The following OGG1 variants were observed in gnomAD, a reference collection of about 807,000 sequenced individuals.
OGG1 encodes the protein 8-oxoguanine DNA glycosylase.
OGG1 carries 35 observed loss-of-function variants against 42.3 expected under a neutral mutation model. The ratio of observed to expected loss-of-function variants is 0.83; its 90% confidence interval spans 0.63 to 1.10. The LOEUF (loss-of-function observed/expected upper bound fraction) is 1.10, where lower values mean the gene tolerates loss of function less well. Ranked by LOEUF, OGG1 falls within the 50% of genes least tolerant of loss-of-function variation. The pLI is 0.00. For missense variants in OGG1, 484 were observed against 446.7 expected, an observed-to-expected ratio of 1.08 and a Z score of -0.75; for synonymous variants, 189 against 179.0, an observed-to-expected ratio of 1.06 and a Z score of -0.44.
intron 7 of OGG1, among the ~76,000 whole-genome samples, chr3:9,763,455 C>G (rs571374494): frequency 1.1e-4 from 17 of 151,856 alleles, no homozygotes; most frequent in Non-Finnish European, 1.9e-4. Context: ...GCTCAGCCAC[C>G]CCCAACCCCC....
chr3:9,760,253 GAA>G (rs58204599), downstream of OGG1: 28 of 140,756 alleles, frequency 2.0e-4, no homozygotes, highest in South Asian at 1.7e-3. Flanking sequence ...AAAAAAGAAA[GAA>G]AAAAAAAAAA....
At chr3:9,760,319 C>G, downstream of OGG1, 2 of 255,708 alleles carry the variant, frequency 7.8e-6, no homozygotes, top group South Asian at 1.0e-4. Context: ...ACGATAGTAG[C>G]TTCACAGGTT....
At chr3:9,752,054 C>A in intron 3 of OGG1, 105 bp downstream of exon 3, 1 of 1,127,708 alleles carries the variant, frequency 8.9e-7, no homozygotes, top group Non-Finnish European at 1.3e-6. Flanking sequence ...CCAAACACTT[C>A]CCCTATCCAG....
At chr3:9,789,304 G>A (rs1432856008), downstream of OGG1, among the ~76,000 whole-genome samples, 7 of 152,184 alleles carry the variant, frequency 4.6e-5, no homozygotes, top group Non-Finnish European at 1.5e-5. Flanking sequence ...TTGAGGGCGT[G>A]TTGACATTTG....
rs1462257385 is a variant in OGG1, at chr3:9,754,574, A to T, written c.566-130A>T. Reference sequence around the variant, plus strand: ...TGCACATAAAAGTGTCCACTATCCCATAGAGGGTGGGGAGGTAGGAGGGGA... The same window carrying T: ...TGCACATAAAAGTGTCCACTATCCCTTAGAGGGTGGGGAGGTAGGAGGGGA... On this transcript the variant is annotated intron_variant, in intron 3 of 6. Transcript: ENST00000344629. The T allele has an allele frequency of 3.2e-6, 3 of 945,424 alleles. No homozygotes were observed. The East Asian group carries it at 7.9e-5, about 25-fold the overall frequency. 58.6% of individuals were successfully genotyped at this position (945,424 alleles called of 1,614,324 possible).
At position 9,756,514 on chromosome 3, in the gene OGG1, C is replaced by A. The variant is rs775409018; in HGVS notation, c.791C>A (p.Ala264Asp). ...CTGATGGCCCTAGACAAGCCCCAGG[C>A]TGTGCCCGTGGATGTCCATATGTGG... ...ICLMALDKPQ[A>D]VPVDVHMWHI... Residue 264 changes from alanine to aspartate, a missense_variant, in exon 5 of 7, where the codon GCT becomes GAT. Transcript: ENST00000344629. 27 of 1,614,162 alleles carry A rather than the reference C, an allele frequency of 1.7e-5. No homozygotes were observed. Among genetic ancestry groups the A allele is most frequent in the Non-Finnish European group, 2.2e-5 (26 of 1,180,002 alleles).
downstream of OGG1, among the ~76,000 whole-genome samples, chr3:9,768,159 C>T (rs1441415721): frequency 1.3e-5 from 2 of 152,082 alleles, no homozygotes; most frequent in East Asian, 1.9e-4. Flanking sequence ...TCCCCAGAAC[C>T]AGTGATGTCC....
chr3:9,756,621 G>A lies in OGG1; in HGVS notation c.898G>A (p.Gly300Arg), dbSNP rs1397085124. The A allele has an allele frequency of 1.2e-6, 2 of 1,613,138 alleles. No homozygotes were observed. Among genetic ancestry groups the A allele is most frequent in the South Asian group, 1.1e-5 (1 of 91,080 alleles). Residue 300 changes from glycine (G) to arginine (R), a missense_variant and splice_region_variant, in exon 5 of 7, where the codon GGA becomes AGA. Transcript: ENST00000344629. The stretch of plus-strand genomic sequence containing the variant: ...GAGCCCCCAGACCAACAAGGAACTG[G>A]GTGAGGAAAGTGGGCTGCAGGGGCT... ...GPSPQTNKEL[G>R]NFFRSLWGPY...
At chr3:9,770,417 G>A (rs985595505), downstream of OGG1, among the ~76,000 whole-genome samples, 1 of 152,076 alleles carries the variant, frequency 6.6e-6, no homozygotes, top group Non-Finnish European at 1.5e-5. Flanking sequence ...GGGAAGGACC[G>A]GGCAAGACTA....
At chr3:9,752,783 G>T (rs2077364797) in intron 3 of OGG1, among the ~76,000 whole-genome samples, 1 of 152,196 alleles carries the variant, frequency 6.6e-6, no homozygotes. Flanking sequence ...GGGCGTGGTG[G>T]CTCACGCCTG....
Position 9,757,002 on chromosome 3 carries a change from T to C in OGG1, c.949-59T>C. The stretch of plus-strand genomic sequence containing the variant: ...TTCCACCTCCCAACACTGTCACTAG[T>C]CTCACCAGCCCTGACCCCAGTGTAC... On this transcript the variant is annotated intron_variant, in intron 6 of 6. Transcript: ENST00000344629. This position sits in a 1 kb window ranked among gnomAD's most constrained non-coding sequence, Gnocchi z 4.5. 6.2e-7 allele frequency: 1 copy of C among 1,613,120 alleles called. No individual in the cohort carries two copies. The highest frequency in any genetic ancestry group is 8.5e-7 in the Non-Finnish European group (1 of 1,179,966).
Position 9,756,600 on chromosome 3 carries a change from C to T in OGG1, c.877C>T (p.Pro293Ser), listed in dbSNP as rs770255275. 3 of 1,613,900 alleles carry T rather than the reference C, an allele frequency of 1.9e-6. No homozygotes were observed. The highest frequency in any genetic ancestry group is 4.5e-5 in the East Asian group (2 of 44,866). The change falls in exon 5 of 7, where the codon CCC becomes TCC. Residue 293 changes from proline (P) to serine (S), a missense_variant. Coordinates refer to ENST00000344629, the MANE Select transcript of OGG1 (RefSeq NM_002542.6). ...CACGTCCCAGGCGAAGGGACCGAGC[C>T]CCCAGACCAACAAGGAACTGGGTGA... is the stretch of plus-strand genomic sequence containing the variant. ...PTTSQAKGPS[P>S]QTNKELGNFF...
chr3:9,759,088 C>T (rs2077723323), downstream of OGG1: 33 of 1,005,194 alleles, frequency 3.3e-5, 1 homozygote, highest in South Asian at 3.7e-4. Flanking sequence ...TCTCAGTCCC[C>T]TCAGCCCCTC....
intron 2 of OGG1, among the ~76,000 whole-genome samples, chr3:9,772,707 G>T (rs1438621605): frequency 1.3e-5 from 2 of 152,124 alleles, no homozygotes; most frequent in African/African-American, 4.8e-5. Context: ...ACTGTTGCCA[G>T]GAGAATTAGG....
chr3:9,766,705 C>G, exon 8 of OGG1: 1 of 891,288 alleles, frequency 1.1e-6, no homozygotes, highest in Non-Finnish European at 1.4e-6. Flanking sequence ...TGTTTGCTTT[C>G]TCTGGGAGAA....
chr3:9,788,685 G>A (rs2078672862), downstream of OGG1, among the ~76,000 whole-genome samples: 1 of 151,808 alleles, frequency 6.6e-6, no homozygotes, highest in South Asian at 2.1e-4. Flanking sequence ...GATTACAGGT[G>A]CATGCCACCG....
intron 3 of OGG1, chr3:9,783,792 C>T: frequency 1.4e-6 from 1 of 713,160 alleles, no homozygotes; most frequent in Non-Finnish European, 2.0e-6. Flanking sequence ...AAAAACAAAA[C>T]AAAAACAAAT....
At chr3:9,770,742 T>G (rs1277446709), downstream of OGG1, among the ~76,000 whole-genome samples, 3 of 150,582 alleles carry the variant, frequency 2.0e-5, no homozygotes, top group Non-Finnish European at 4.4e-5. Context: ...AGGCCAAAGG[T>G]CGGTTTGCTC....
At chr3:9,783,655 G>GT (rs1451986238) in intron 3 of OGG1, 2 of 163,432 alleles carry the variant, frequency 1.2e-5, no homozygotes, top group Non-Finnish European at 2.7e-5. Flanking sequence ...GTGGGTGCCT[G>GT]TAGTATCAGC....
Sources: allele counts gnomAD v4.1 joint callset (sites outside exome capture counted in the v4.1 genomes callset), GRCh38; gene constraint gnomAD v4.1.1; non-coding constraint Gnocchi (gnomAD v3.1); transcripts MANE v1.5; gene names NCBI Gene and HGNC (gene_info 2026-07-23, HGNC 2026-07-21).